The following WDR41 variants were observed in gnomAD, a reference collection of about 807,000 sequenced individuals.
WDR41 encodes the protein WD repeat domain 41.
WDR41 carries 63 observed loss-of-function variants against 69.3 expected under a neutral mutation model. The observed-to-expected ratio is 0.91, with a 90% CI of 0.74 to 1.12. WDR41 has a LOEUF of 1.12. Ranked by LOEUF, WDR41 falls within the 50% of genes most tolerant of loss-of-function variation. The pLI is 0.00. For missense variants in WDR41, 543 were observed against 534.5 expected (o/e 1.02, Z -0.16); for synonymous variants, 185 against 192.1 (o/e 0.96, Z 0.31).
chr5:77,619,897 C>A (rs1055307780), intron 1 of WDR41, among the ~76,000 whole-genome samples: 1 of 151,920 alleles, frequency 6.6e-6, no homozygotes, highest in Admixed American at 6.6e-5. Flanking sequence ...ATCAATCCCT[C>A]GGGGAACCTG....
intron 2 of WDR41, among the ~76,000 whole-genome samples, chr5:77,470,901 G>T (rs1054710020): frequency 2.6e-5 from 4 of 152,074 alleles, no homozygotes; most frequent in Non-Finnish European, 4.4e-5. Context: ...TCCAGGAATT[G>T]AACTTAGCTC....
At chr5:77,469,378 T>C (rs1017699896) in intron 2 of WDR41, among the ~76,000 whole-genome samples, 2 of 152,174 alleles carry the variant, frequency 1.3e-5, no homozygotes, top group African/African-American at 4.8e-5. Context: ...GTACCCTAGT[T>C]GTCTCTCCTG....
intron 2 of WDR41, among the ~76,000 whole-genome samples, chr5:77,470,988 A>T (rs1015245228): frequency 1.3e-5 from 2 of 152,328 alleles, no homozygotes; most frequent in African/African-American, 4.8e-5. Flanking sequence ...TCTCAGCATC[A>T]CACCACACTT....
Position 77,440,797 on chromosome 5 carries a change from T to C in WDR41, c.882+16A>G, listed in dbSNP as rs761994784. 5.6e-6 allele frequency: 9 copies of C among 1,612,758 alleles called. No homozygotes were observed. Among genetic ancestry groups the C allele is most frequent in the South Asian group, 1.1e-5 (1 of 91,014 alleles). On this transcript the variant is annotated intron_variant, in intron 9 of 12. Coordinates refer to ENST00000296679, the MANE Select transcript of WDR41 (RefSeq NM_018268.4). ...ATGTCAAAGGCAAGTTTATAGATAG[T>C]GTATACATTTTTTACCTCTTCATCA... is the stretch of plus-strand genomic sequence containing the variant.
chr5:77,433,053 G>A lies in WDR41; in HGVS notation c.*82C>T. 2 of 1,394,278 alleles carry A rather than the reference G, an allele frequency of 1.4e-6. No homozygotes were observed. Among genetic ancestry groups the A allele is most frequent in the Non-Finnish European group, 1.9e-6 (2 of 1,052,782 alleles). The allele number at this position is 1,394,278 out of a possible 1,614,324, so 86.4% of individuals were successfully genotyped here. A position where few individuals can be genotyped will look rare whatever the true frequency, so the allele number is the denominator to read the frequency against. Reference sequence around the variant, plus strand: ...GACAAAAAAAATTACCAATTTAAGTGATCAATATATTAATGGTTTTCAGAG... The same window carrying A: ...GACAAAAAAAATTACCAATTTAAGTAATCAATATATTAATGGTTTTCAGAG... On this transcript the variant is annotated 3_prime_UTR_variant, in exon 13 of 13. Coordinates refer to ENST00000296679, the MANE Select transcript of WDR41 (RefSeq NM_018268.4).
chr5:77,433,222 C>G lies in WDR41; in HGVS notation c.1293G>C (p.Trp431Cys), dbSNP rs904630409. ...TCSADHLIIL[W>C]KNGERESGLR... ...ATCCAGATTCTCGCTCTCCATTTTT[C>G]CACAAAATAATGAGATGATCAGCGG... The change falls in exon 13 of 13, where the codon TGG (tryptophan) becomes TGC (cysteine). Residue 431 changes from tryptophan (W) to cysteine (C), a missense_variant. Transcript: ENST00000296679. 6.2e-7 allele frequency: 1 copy of G among 1,613,954 alleles called. No homozygotes were observed. Among genetic ancestry groups the G allele is most frequent in the Non-Finnish European group, 8.5e-7 (1 of 1,179,914 alleles).
intron 1 of WDR41, among the ~76,000 whole-genome samples, chr5:77,590,744 G>A (rs1744121585): frequency 6.6e-6 from 1 of 152,204 alleles, no homozygotes; most frequent in African/African-American, 2.4e-5. Flanking sequence ...CTTTCCCCTT[G>A]ACAGATGTCG....
chr5:77,437,877 G>A (rs983101498), intron 10 of WDR41, among the ~76,000 whole-genome samples: 4 of 152,084 alleles, frequency 2.6e-5, no homozygotes, highest in Admixed American at 1.3e-4. Flanking sequence ...ACACAACAAG[G>A]AGACCAGCAA....
intron 1 of WDR41, among the ~76,000 whole-genome samples, chr5:77,555,914 G>A (rs2162698): frequency 0.17 from 25,318 of 151,900 alleles, 3,454 homozygotes; most frequent in African/African-American, 0.36. Context: ...AAACACTACT[G>A]AAGAAGAAAA....
intron 7 of WDR41, among the ~76,000 whole-genome samples, chr5:77,450,685 G>A (rs1423181641): frequency 6.6e-6 from 1 of 152,164 alleles, no homozygotes; most frequent in African/African-American, 2.4e-5. Context: ...TGTACTGAGT[G>A]TTTTAAAAAT....
At chr5:77,499,259 C>G (rs1011991273) in intron 1 of WDR41, 4 of 152,204 alleles carry the variant, frequency 2.6e-5, no homozygotes, top group Admixed American at 6.5e-5. Context: ...AGCAGCTTCC[C>G]CAGCCTGAAT....
intron 11 of WDR41, 150 bp downstream of exon 11, chr5:77,437,186 C>G (rs186579134): frequency 2.3e-5 from 15 of 654,130 alleles, no homozygotes; most frequent in Admixed American, 1.3e-4. Context: ...AATCCTAGAT[C>G]TCAATTACCA....
intron 1 of WDR41, among the ~76,000 whole-genome samples, chr5:77,570,576 T>C (rs866551941): frequency 2.0e-5 from 3 of 150,106 alleles, no homozygotes; most frequent in African/African-American, 7.4e-5. Flanking sequence ...GTTGAAAGTT[T>C]ATATTTGCAT....
upstream of WDR41, among the ~76,000 whole-genome samples, chr5:77,495,076 T>C (rs1217620911): frequency 6.6e-6 from 1 of 151,910 alleles, no homozygotes; most frequent in Non-Finnish European, 1.5e-5. Context: ...AAAGAAATTA[T>C]AAAATACCTA....
At chr5:77,578,530 T>C (rs1398235714) in intron 1 of WDR41, among the ~76,000 whole-genome samples, 1 of 152,118 alleles carries the variant, frequency 6.6e-6, no homozygotes, top group East Asian at 1.9e-4. Flanking sequence ...ATGGTGGATT[T>C]AATGGAAAAG....
chr5:77,472,363 C>G (rs1282172727), intron 2 of WDR41, among the ~76,000 whole-genome samples: 1 of 151,712 alleles, frequency 6.6e-6, no homozygotes, highest in Non-Finnish European at 1.5e-5. Context: ...AAAACTGGCA[C>G]AAGACAGGGA....
At chr5:77,489,710 T>C in intron 1 of WDR41, 138 bp from the exon 2 acceptor site, 1 of 433,274 alleles carries the variant, frequency 2.3e-6, no homozygotes, top group South Asian at 6.6e-5. Flanking sequence ...GGTATCATGT[T>C]CTACTACTAA....
intron 2 of WDR41, among the ~76,000 whole-genome samples, chr5:77,483,481 CGTGT>C (rs35574463): frequency 0.13 from 18,063 of 143,116 alleles, 1,179 homozygotes; most frequent in Admixed American, 0.19. Flanking sequence ...CCTGAATACT[CGTGT>C]GTGTGTGTGT....
chr5:77,561,129 G>A (rs1251117032), intron 1 of WDR41, among the ~76,000 whole-genome samples: 2 of 152,188 alleles, frequency 1.3e-5, no homozygotes, highest in Non-Finnish European at 2.9e-5. Flanking sequence ...ATTTTAGTAG[G>A]AATAATGTAT....
Sources: allele counts gnomAD v4.1 joint callset (sites outside exome capture counted in the v4.1 genomes callset), GRCh38; gene constraint gnomAD v4.1.1; transcripts MANE v1.5; gene names NCBI Gene and HGNC (gene_info 2026-07-23, HGNC 2026-07-21).